The following LCP1 variants were observed in gnomAD, a reference collection of about 807,000 sequenced individuals.
LCP1 encodes plastin-2.
Under a neutral mutation model 72.0 loss-of-function variants are expected in LCP1, and 23 were observed. The observed-to-expected ratio is 0.32, with a 90% CI of 0.23 to 0.45. LCP1 has a LOEUF of 0.45. Ranked by LOEUF, LCP1 falls within the 20% of genes least tolerant of loss-of-function variation. LCP1 has a pLI of 1.00. For missense variants in LCP1, 571 were observed against 748.3 expected (o/e 0.76, Z 2.76); for synonymous variants, 245 against 275.4 (o/e 0.89, Z 1.09).
At chr13:46,148,671 A>G (rs2045745384) in intron 8 of LCP1, 3 of 490,768 alleles carry the variant, frequency 6.1e-6, no homozygotes, top group Non-Finnish European at 1.0e-5. Context: ...AAAATAGACA[A>G]GATATACACA....
chr13:46,158,629 G>A lies in LCP1; in HGVS notation c.251C>T (p.Thr84Ile), dbSNP rs764840874. ...FIKIFHGLKS[T>I]DVAKTFRKAI... ...TTTTCTAAAGGTCTTGGCAACATCT[G>A]TGCTTTTTAGGCCATGGAAAATCTG... The change falls in exon 4 of 16, where the codon ACA becomes ATA. Residue 84 changes from threonine to isoleucine, a missense_variant. By Grantham distance (89) the Thr-to-Ile change is moderately conservative (BLOSUM62 -1). Coordinates refer to ENST00000323076, the MANE Select transcript of LCP1 (RefSeq NM_002298.5). 9 of 1,614,056 alleles carry A rather than the reference G, an allele frequency of 5.6e-6. No homozygotes were observed. Among genetic ancestry groups the A allele is most frequent in the Non-Finnish European group, 7.6e-6 (9 of 1,180,036 alleles).
At chr13:46,172,806 C>T (rs1463445211) in intron 1 of LCP1, among the ~76,000 whole-genome samples, 1 of 152,154 alleles carries the variant, frequency 6.6e-6, no homozygotes, top group African/African-American at 2.4e-5. Context: ...TCATTATCTC[C>T]CATTTAGAAA....
At chr13:46,151,120 G>A (rs746800289) in intron 7 of LCP1, 42 bp from the exon 8 acceptor site, 12 of 1,578,544 alleles carry the variant, frequency 7.6e-6, no homozygotes, top group African/African-American at 1.4e-5. Flanking sequence ...ATGCAGCGAT[G>A]TTGGGGGAGG....
At chr13:46,156,641 A>C (rs1434988493) in intron 4 of LCP1, 71 bp from the exon 5 acceptor site, 8 of 1,522,036 alleles carry the variant, frequency 5.3e-6, no homozygotes, top group Non-Finnish European at 7.3e-6. Flanking sequence ...ATGCATGTGG[A>C]TCTTAAATTC....
rs774124326 is a variant in LCP1, at chr13:46,130,941, A to G, written c.1627-3T>C. 43 of 1,590,216 alleles carry G rather than the reference A, an allele frequency of 2.7e-5. No individual in the cohort carries two copies. The highest frequency in any genetic ancestry group is 3.7e-5 in the Non-Finnish European group (43 of 1,171,234). On this transcript the variant is annotated splice_region_variant and splice_polypyrimidine_tract_variant and intron_variant, in intron 14 of 15. Coordinates refer to ENST00000323076, the MANE Select transcript of LCP1 (RefSeq NM_002298.5). ...AGACTTGTACTAATCTTCGGGTCCT[A>G]TGCAGAGACACAGGGAGGGTTTCAT... is the stretch of plus-strand genomic sequence containing the variant.
intron 1 of LCP1, among the ~76,000 whole-genome samples, chr13:46,161,750 G>A (rs927480351): frequency 2.0e-5 from 3 of 152,238 alleles, no homozygotes; most frequent in African/African-American, 7.2e-5. Flanking sequence ...ATGGTCGGGA[G>A]GAACTCTAAT....
At position 46,130,938 on chromosome 13, in the gene LCP1, C is replaced by T; in HGVS notation, c.1627G>A (p.Asp543Asn). The change falls in exon 15 of 16, where the codon GAC becomes AAC. Residue 543 changes from aspartate (D) to asparagine (N), a missense_variant and splice_region_variant. Asp to Asn is a conservative substitution (Grantham distance 23). Transcript: ENST00000323076. ...GGCAGACTTGTACTAATCTTCGGGT[C>T]CTATGCAGAGACACAGGGAGGGTTT... The part of the protein sequence containing the change: ...KKSSSISSFK[D>N]PKISTSLPVL... The T allele has an allele frequency of 6.3e-7, 1 of 1,594,250 alleles. No homozygotes were observed. Among genetic ancestry groups the T allele is most frequent in the Non-Finnish European group, 8.5e-7 (1 of 1,172,626 alleles).
chr13:46,143,253 G>C, intron 12 of LCP1, 37 bp downstream of exon 12: 1 of 1,405,764 alleles, frequency 7.1e-7, no homozygotes, highest in Non-Finnish European at 1.0e-6. Context: ...CTATGACTTT[G>C]CCTGTCTCCT....
intron 1 of LCP1, among the ~76,000 whole-genome samples, chr13:46,174,353 C>T (rs66984216): frequency 0.22 from 32,830 of 152,012 alleles, 3,781 homozygotes; most frequent in South Asian, 0.33. Context: ...CCAATACCAA[C>T]GTACAATGGA....
intron 5 of LCP1, 105 bp from the exon 6 acceptor site, chr13:46,154,991 C>T: frequency 1.2e-6 from 1 of 835,346 alleles, no homozygotes; most frequent in South Asian, 1.5e-5. Flanking sequence ...AAGATAGCAA[C>T]AGAATCTGTG....
At chr13:46,148,711 C>T in intron 8 of LCP1, 1 of 543,360 alleles carries the variant, frequency 1.8e-6, no homozygotes, top group Non-Finnish European at 2.6e-6. Context: ...GGATATTATT[C>T]TGTTGTCTTT....
intron 8 of LCP1, among the ~76,000 whole-genome samples, chr13:46,150,230 C>A (rs1353606017): frequency 6.6e-6 from 1 of 152,206 alleles, no homozygotes; most frequent in Non-Finnish European, 1.5e-5. Flanking sequence ...ATCTCCTACT[C>A]TTTCCTTCTA....
intron 1 of LCP1, among the ~76,000 whole-genome samples, chr13:46,179,763 G>A (rs1335853513): frequency 6.6e-6 from 1 of 152,018 alleles, no homozygotes; most frequent in Non-Finnish European, 1.5e-5. Context: ...GGGAGGGGAT[G>A]GGGTAGTGGG....
intron 14 of LCP1, among the ~76,000 whole-genome samples, chr13:46,133,027 T>C: frequency 6.6e-6 from 1 of 152,132 alleles, no homozygotes; most frequent in Non-Finnish European, 1.5e-5. Flanking sequence ...AGTGCACACG[T>C]CCTTTGAGGA....
intron 1 of LCP1, among the ~76,000 whole-genome samples, chr13:46,179,907 C>T (rs1039851584): frequency 5.3e-5 from 8 of 152,070 alleles, no homozygotes; most frequent in African/African-American, 1.9e-4. Flanking sequence ...TTATATAAAA[C>T]CTGCAATGGT....
chr13:46,141,477 G>C (rs7139813), intron 13 of LCP1, among the ~76,000 whole-genome samples: 1 of 147,466 alleles, frequency 6.8e-6, no homozygotes, highest in Admixed American at 6.7e-5. Flanking sequence ...GTAATAAAGA[G>C]AAATCTTAAA....
At chr13:46,148,973 G>A (rs9316193) in intron 8 of LCP1, among the ~76,000 whole-genome samples, 10,365 of 152,092 alleles carry the variant, frequency 0.068, 1,110 homozygotes, top group African/African-American at 0.23. Flanking sequence ...TAAGAAAAGT[G>A]CATTTCATAT....
At position 46,159,620 on chromosome 13, in the gene LCP1, TGA is replaced by T; in HGVS notation, c.41_42del (p.Leu14GlnfsTer8). 1 of 1,614,180 alleles carries T rather than the reference TGA, an allele frequency of 6.2e-7. No individual in the cohort carries two copies. The highest frequency in any genetic ancestry group is 2.2e-5 in the East Asian group (1 of 44,874). ...TCACCAACTTTGGCAAAAGCTTCTCTGAGCTCCATCATTTCCTCATCGGACAC... is the reference window on the plus strand; with the variant it reads ...TCACCAACTTTGGCAAAAGCTTCTCTGCTCCATCATTTCCTCATCGGACAC... ...GSVSDEEMME[L>X]REAFAKVDTD... On this transcript the variant is annotated frameshift_variant, in exon 2 of 16. Transcript: ENST00000323076. LOFTEE classifies it high-confidence loss of function.
chr13:46,133,440 A>G (rs2138218846), intron 14 of LCP1, among the ~76,000 whole-genome samples: 1 of 152,256 alleles, frequency 6.6e-6, no homozygotes, highest in South Asian at 2.1e-4. Context: ...AGCCTGGGCC[A>G]CATAGTGAGA....
Sources: gnomAD v4.1 joint callset for allele counts (sites outside exome capture counted in the v4.1 genomes callset) on GRCh38, gnomAD v4.1.1 for gene constraint, MANE v1.5 for transcripts, NCBI Gene and HGNC (gene_info 2026-07-23, HGNC 2026-07-21) for gene names.